Variants in GPR107 observed in about 807,000 individuals in gnomAD.
GPR107 encodes G protein-coupled receptor 107.
GPR107 carries 31 observed loss-of-function variants against 75.5 expected under a neutral mutation model. The observed-to-expected ratio is 0.41, with a 90% CI of 0.31 to 0.55. The LOEUF (loss-of-function observed/expected upper bound fraction) is 0.55. GPR107 is among the 20% of genes least tolerant of loss of function. GPR107 has a pLI of 0.26. For missense variants in GPR107, 572 were observed against 665.7 expected (o/e 0.86, Z 1.55); for synonymous variants, 267 against 251.3 (o/e 1.06, Z -0.59).
chr9:130,100,497 A>G (rs982390280), intron 10 of GPR107, 132 bp from the exon 11 acceptor site: 2 of 709,206 alleles, frequency 2.8e-6, no homozygotes, highest in Admixed American at 2.0e-5. Flanking sequence ...GGAAAAGGCA[A>G]TAATATATCC....
intron 3 of GPR107, 114 bp from the exon 4 acceptor site, chr9:130,077,185 G>C: frequency 1.4e-6 from 1 of 692,148 alleles, no homozygotes; most frequent in Non-Finnish European, 2.6e-6. Flanking sequence ...CACGCCCACC[G>C]GTTTACTATT....
At position 130,138,595 on chromosome 9, in the gene GPR107, TG is replaced by T; in HGVS notation, c.*3475del. ...CTGCCATCTTTCTCCCCGTGCCTAT[TG>T]ATCCCACATAGGCTCATTCTGGGTA... On this transcript the variant is annotated 3_prime_UTR_variant, in exon 18 of 18. Transcript: ENST00000347136. 6.6e-6 allele frequency: 1 copy of T among 151,716 alleles called. No homozygotes were observed. The highest frequency in any genetic ancestry group is 6.6e-5 in the Admixed American group (1 of 15,238). The allele number at this position is 151,716 out of a possible 1,614,324, so 9.4% of individuals were successfully genotyped here. A position where few individuals can be genotyped will look rare whatever the true frequency, so the allele number is the denominator to read the frequency against.
intron 15 of GPR107, among the ~76,000 whole-genome samples, chr9:130,127,178 G>A (rs145430455): frequency 5.3e-5 from 8 of 152,190 alleles, no homozygotes; most frequent in Non-Finnish European, 8.8e-5. Flanking sequence ...TGAAATCAAG[G>A]GCTTATGTCT....
intron 14 of GPR107, among the ~76,000 whole-genome samples, chr9:130,109,495 T>C (rs1369914254): frequency 2.0e-5 from 3 of 151,758 alleles, no homozygotes; most frequent in South Asian, 2.1e-4. Flanking sequence ...CTTGTCCTTA[T>C]TTTTCTTTTA....
intron 14 of GPR107, among the ~76,000 whole-genome samples, chr9:130,110,104 C>T (rs1234470046): frequency 4.6e-5 from 7 of 152,256 alleles, no homozygotes; most frequent in African/African-American, 9.6e-5. Flanking sequence ...CCTCCTGACT[C>T]GTCTACCTGT....
At chr9:130,056,392 G>T (rs1829789088) in intron 1 of GPR107, among the ~76,000 whole-genome samples, 1 of 152,018 alleles carries the variant, frequency 6.6e-6, no homozygotes, top group Admixed American at 6.6e-5. Context: ...GGAAGTTGCA[G>T]TGAGCCAAGA....
intron 9 of GPR107, among the ~76,000 whole-genome samples, chr9:130,093,598 C>T (rs1830792991): frequency 6.6e-6 from 1 of 152,134 alleles, no homozygotes; most frequent in South Asian, 2.1e-4. Context: ...ATATCCTGTA[C>T]ACCCACCAGA....
At chr9:130,106,205 T>G (rs1831150943) in intron 13 of GPR107, among the ~76,000 whole-genome samples, 1 of 152,138 alleles carries the variant, frequency 6.6e-6, no homozygotes. Context: ...ACAACACTAA[T>G]GAGCAGATTC....
At position 130,138,983 on chromosome 9, in the gene GPR107, G is replaced by C; in HGVS notation, c.*3862G>C. On this transcript the variant is annotated 3_prime_UTR_variant, in exon 18 of 18. Transcript: ENST00000347136. ...CCAGCTCCATACACCCAGTAGAACAGTGGAACAACTCATGCTTCATGCTGC... is the reference window on the plus strand; with the variant it reads ...CCAGCTCCATACACCCAGTAGAACACTGGAACAACTCATGCTTCATGCTGC... The C allele has an allele frequency of 6.6e-6, 1 of 152,278 alleles. No homozygotes were observed. The highest frequency in any genetic ancestry group is 1.9e-4 in the East Asian group (1 of 5,194). The allele number at this position is 152,278 out of a possible 1,614,324, so 9.4% of individuals were successfully genotyped here.
chr9:130,066,184 A>G (rs928280273), intron 1 of GPR107, among the ~76,000 whole-genome samples: 4 of 152,098 alleles, frequency 2.6e-5, no homozygotes, highest in Non-Finnish European at 5.9e-5. Flanking sequence ...CTGTAATCCC[A>G]GCTACTTGGG....
intron 1 of GPR107, among the ~76,000 whole-genome samples, chr9:130,061,339 G>T (rs992190328): frequency 2.0e-5 from 3 of 152,220 alleles, no homozygotes; most frequent in Non-Finnish European, 2.9e-5. Flanking sequence ...TGTGGAGAGA[G>T]ACTCTGAAGA....
intron 9 of GPR107, among the ~76,000 whole-genome samples, chr9:130,098,365 T>C (rs148764493): frequency 2.6e-5 from 4 of 152,172 alleles, no homozygotes; most frequent in East Asian, 1.9e-4. Context: ...GAGAGAGAAA[T>C]GGGCATGACC....
In GPR107 at chr9:130,075,604, A is replaced by G. The variant is rs1171818643; in HGVS notation, c.142-32A>G. 8 of 1,102,714 alleles carry G rather than the reference A, an allele frequency of 7.3e-6. No homozygotes were observed. The East Asian group carries it at 1.4e-4, about 19-fold the overall frequency. The allele number at this position is 1,102,714 out of a possible 1,614,324, so 68.3% of individuals were successfully genotyped here. ...TAAATAATCAAAAGCACTTTTCCAT[A>G]TGACTAATTCCACCACTACAAATCT... On this transcript the variant is annotated intron_variant, in intron 1 of 17. Coordinates refer to ENST00000347136, the MANE Select transcript of GPR107 (RefSeq NM_020960.5).
At chr9:130,085,057 G>A (rs1181420043) in intron 6 of GPR107, among the ~76,000 whole-genome samples, 1 of 152,180 alleles carries the variant, frequency 6.6e-6, no homozygotes, top group Non-Finnish European at 1.5e-5. Flanking sequence ...AGATAATATA[G>A]GGCCAAGCAA....
At position 130,104,677 on chromosome 9, in the gene GPR107, C is replaced by T. The variant is rs941336147; in HGVS notation, c.1262+127C>T. 2.0e-5 allele frequency: 15 copies of T among 752,372 alleles called. No homozygotes were observed. In the African/African-American group the frequency reaches 2.4e-4, roughly 12 times the overall value. 46.6% of individuals were successfully genotyped at this position (752,372 alleles called of 1,614,324 possible). ...GTTTAAAAGTACAGCTTTCTGAGTC[C>T]CAGACTGACCTGAATCAGCCTCCAG... On this transcript the variant is annotated intron_variant, in intron 13 of 17. Transcript: ENST00000347136.
chr9:130,080,857 TA>T (rs1481566022), intron 5 of GPR107, among the ~76,000 whole-genome samples: 1 of 151,768 alleles, frequency 6.6e-6, no homozygotes, highest in Non-Finnish European at 1.5e-5. Context: ...TTAACCAATT[TA>T]TATTCACCAT....
intron 1 of GPR107, among the ~76,000 whole-genome samples, chr9:130,068,399 C>T (rs141935240): frequency 6.1e-4 from 91 of 149,060 alleles, no homozygotes; most frequent in African/African-American, 1.8e-3. Flanking sequence ...CATGTTTTTA[C>T]GCGGAATTCA....
intron 14 of GPR107, among the ~76,000 whole-genome samples, chr9:130,119,716 G>C (rs968667490): frequency 5.9e-5 from 9 of 152,062 alleles, no homozygotes; most frequent in African/African-American, 1.9e-4. Flanking sequence ...CCAGTGTAGG[G>C]CTTGAGAGCC....
At chr9:130,071,042 T>TTTC (rs1830195818) in intron 1 of GPR107, among the ~76,000 whole-genome samples, 1 of 142,914 alleles carries the variant, frequency 7.0e-6, no homozygotes, top group African/African-American at 2.6e-5. Context: ...TTTCTTTTTT[T>TTTC]TTTTTTTTTT....
Sources: gnomAD v4.1 joint callset for allele counts (sites outside exome capture counted in the v4.1 genomes callset) on GRCh38, gnomAD v4.1.1 for gene constraint, MANE v1.5 for transcripts, NCBI Gene and HGNC (gene_info 2026-07-23, HGNC 2026-07-21) for gene names.